PKNOX2: variants seen among roughly 807,000 people sequenced by gnomAD.
The protein encoded by PKNOX2 is homeobox protein PKNOX2.
PKNOX2 carries 14 observed loss-of-function variants against 53.1 expected under a neutral mutation model. The observed-to-expected ratio is 0.26, with a 90% confidence interval of 0.17 to 0.41. PKNOX2 has a LOEUF of 0.41. Among genes scored for constraint, PKNOX2 ranks in the 10% least tolerant of loss-of-function variants. PKNOX2 has a pLI of 1.00. For synonymous variants in PKNOX2, 257 were observed against 242.8 expected (o/e 1.06, Z -0.54); for missense variants, 496 against 602.8 (o/e 0.82, Z 1.85).
intron 2 of PKNOX2, among the ~76,000 whole-genome samples, chr11:125,289,400 C>A (rs556284872): frequency 3.9e-5 from 6 of 152,346 alleles, no homozygotes; most frequent in South Asian, 4.1e-4. Context: ...CTCCACAAAT[C>A]TTCTGAGGTC....
At chr11:125,322,469 C>G (rs1252041898) in intron 2 of PKNOX2, among the ~76,000 whole-genome samples, 1 of 152,206 alleles carries the variant, frequency 6.6e-6, no homozygotes, top group Admixed American at 6.5e-5. Context: ...CAGACACAGT[C>G]ACAAGCTGCT....
chr11:125,189,808 T>C (rs2135337323), intron 1 of PKNOX2, among the ~76,000 whole-genome samples: 1 of 152,152 alleles, frequency 6.6e-6, no homozygotes, highest in East Asian at 1.9e-4. Flanking sequence ...TTGCAGTCCC[T>C]CTTTCCCCTC....
chr11:125,174,914 C>T (rs1047581794), intron 1 of PKNOX2, among the ~76,000 whole-genome samples: 2 of 152,110 alleles, frequency 1.3e-5, no homozygotes, highest in African/African-American at 2.4e-5. Flanking sequence ...AGTAGGGCAG[C>T]GGTCCCCTGG....
intron 3 of PKNOX2, among the ~76,000 whole-genome samples, chr11:125,344,070 A>G (rs1950847380): frequency 6.6e-6 from 1 of 152,144 alleles, no homozygotes; most frequent in African/African-American, 2.4e-5. Flanking sequence ...GCCTGTCCCC[A>G]GACACTGCTT....
At chr11:125,389,037 A>G (rs1028984460) in intron 6 of PKNOX2, among the ~76,000 whole-genome samples, 3 of 152,184 alleles carry the variant, frequency 2.0e-5, no homozygotes, top group Admixed American at 1.3e-4. Flanking sequence ...TCTACTAAAG[A>G]TACAAAAATT....
intron 3 of PKNOX2, among the ~76,000 whole-genome samples, chr11:125,342,771 G>GGGGGA (rs1950762647): frequency 6.6e-6 from 1 of 152,080 alleles, no homozygotes; most frequent in African/African-American, 2.4e-5. Context: ...TAGTGTCTCT[G>GGGGGA]GGGGAGGGGC....
chr11:125,323,855 TTGTGTGTG>T (rs57415781), intron 2 of PKNOX2, among the ~76,000 whole-genome samples: 3 of 149,786 alleles, frequency 2.0e-5, no homozygotes, highest in African/African-American at 7.3e-5. Context: ...GTTTCTGGGG[TTGTGTGTG>T]TGTGTGTGTG....
At chr11:125,424,414 G>A (rs1046159595) in intron 10 of PKNOX2, among the ~76,000 whole-genome samples, 32 of 151,958 alleles carry the variant, frequency 2.1e-4, no homozygotes, top group Non-Finnish European at 1.6e-4. Context: ...TGGCCTCTTA[G>A]ATGTGATGGA....
At chr11:125,411,592 GC>G in intron 9 of PKNOX2, 153 bp from the exon 10 acceptor site, 1 of 1,103,546 alleles carries the variant, frequency 9.1e-7, no homozygotes, top group Non-Finnish European at 1.3e-6. Context: ...TGAGGGGCTG[GC>G]ATGGGCTGAG....
At chr11:125,229,855 C>A (rs1192733489) in intron 1 of PKNOX2, among the ~76,000 whole-genome samples, 1 of 152,194 alleles carries the variant, frequency 6.6e-6, no homozygotes, top group African/African-American at 2.4e-5. Flanking sequence ...TCTGTGAGCC[C>A]ACACCACCCA....
intron 2 of PKNOX2, among the ~76,000 whole-genome samples, chr11:125,314,333 G>T (rs1591524239): frequency 6.6e-6 from 1 of 152,170 alleles, no homozygotes; most frequent in Non-Finnish European, 1.5e-5. Flanking sequence ...GTTTGGATCT[G>T]CTCTGGGTCC....
intron 4 of PKNOX2, among the ~76,000 whole-genome samples, chr11:125,359,190 G>A (rs542336095): frequency 5.5e-5 from 8 of 146,454 alleles, no homozygotes; most frequent in Admixed American, 4.1e-4. Context: ...TAGGTGTGAG[G>A]CGATAGGGTA....
chr11:125,359,617 C>A (rs114096189), intron 4 of PKNOX2, among the ~76,000 whole-genome samples: 1,976 of 152,316 alleles, frequency 0.013, 50 homozygotes, highest in African/African-American at 0.045. Context: ...TGACCTCAAG[C>A]CCTGACCTCT....
At chr11:125,310,842 T>A (rs1301644578) in intron 2 of PKNOX2, among the ~76,000 whole-genome samples, 2 of 152,156 alleles carry the variant, frequency 1.3e-5, no homozygotes, top group Non-Finnish European at 2.9e-5. Context: ...TCTGGTTTGA[T>A]GATTGTTGTC....
At chr11:125,349,224 A>G (rs1446077735) in intron 3 of PKNOX2, among the ~76,000 whole-genome samples, 2 of 152,060 alleles carry the variant, frequency 1.3e-5, no homozygotes, top group African/African-American at 2.4e-5. Context: ...CAAAAAGTCT[A>G]TATCTTACCC....
chr11:125,314,875 A>T (rs1949061394), intron 2 of PKNOX2, among the ~76,000 whole-genome samples: 1 of 152,186 alleles, frequency 6.6e-6, no homozygotes, highest in Non-Finnish European at 1.5e-5. Context: ...AAAGGAGACT[A>T]TTCCTTTCCT....
intron 1 of PKNOX2, among the ~76,000 whole-genome samples, chr11:125,197,944 T>A (rs1937935718): frequency 1.3e-5 from 2 of 152,180 alleles, no homozygotes; most frequent in African/African-American, 4.8e-5. Flanking sequence ...TAATGGTCAC[T>A]CCCTGCAAAC....
At position 125,428,628 on chromosome 11, in the gene PKNOX2, C is replaced by T. The variant is rs574894238; in HGVS notation, c.937-384C>T. Among the ~76,000 whole-genome samples, 4 of 152,274 alleles carry T rather than the reference C, an allele frequency of 2.6e-5. No individual in the cohort carries two copies. The East Asian group carries it at 7.7e-4, about 29-fold the overall frequency. On this transcript the variant is annotated intron_variant, in intron 10 of 12. Coordinates refer to ENST00000298282, the MANE Select transcript of PKNOX2 (RefSeq NM_001382323.2). Reference sequence around the variant, plus strand: ...CACCCCGCCTACCACCTTCTATGGGCGTTTGAGGCCATTGGAAACCCTAAC... The same window carrying T: ...CACCCCGCCTACCACCTTCTATGGGTGTTTGAGGCCATTGGAAACCCTAAC...
At chr11:125,257,894 G>C (rs1565481169) in intron 2 of PKNOX2, among the ~76,000 whole-genome samples, 1 of 152,160 alleles carries the variant, frequency 6.6e-6, no homozygotes, top group African/African-American at 2.4e-5. Context: ...GGAGTAGGAA[G>C]CACTTTCCCT....
Sources: gnomAD v4.1 joint callset for allele counts (sites outside exome capture counted in the v4.1 genomes callset) on GRCh38, gnomAD v4.1.1 for gene constraint, MANE v1.5 for transcripts, NCBI Gene and HGNC (gene_info 2026-07-23, HGNC 2026-07-21) for gene names.